Variants in SLC24A2 observed in about 807,000 individuals in gnomAD.
SLC24A2 encodes the protein solute carrier family 24 member 2.
SLC24A2 carries 36 observed loss-of-function variants against 62.0 expected under a neutral mutation model. The ratio of observed to expected loss-of-function variants is 0.58; its 90% CI spans 0.44 to 0.77. SLC24A2 has a LOEUF of 0.77. SLC24A2 is among the 30% of genes least tolerant of loss of function. SLC24A2 has a pLI of 0.00. For synonymous variants in SLC24A2, 358 were observed against 294.0 expected (o/e 1.22, Z -2.23); for missense variants, 846 against 817.9 (o/e 1.03, Z -0.42).
chr9:20,083,540 A>G, the SLC24A2 span, among the ~76,000 whole-genome samples: 2 of 152,244 alleles, frequency 1.3e-5, no homozygotes, highest in Non-Finnish European at 2.9e-5. Context: ...TGCTTCTCAC[A>G]TGCTGTACTA....
chr9:19,689,267 A>G (rs1180929186), intron 2 of SLC24A2, among the ~76,000 whole-genome samples: 1 of 152,174 alleles, frequency 6.6e-6, no homozygotes, highest in Non-Finnish European at 1.5e-5. Flanking sequence ...GGACTCCCGA[A>G]GAAGGAAAAA....
chr9:20,096,681 A>G, the SLC24A2 span, among the ~76,000 whole-genome samples: 5 of 152,230 alleles, frequency 3.3e-5, no homozygotes, highest in East Asian at 7.7e-4. Flanking sequence ...ATTATTTTAG[A>G]AAGATACTTT....
At chr9:19,837,464 A>AAG in the SLC24A2 span, among the ~76,000 whole-genome samples, 1 of 106,250 alleles carries the variant, frequency 9.4e-6, no homozygotes, top group East Asian at 2.2e-4. Flanking sequence ...GTCTCAAAAA[A>AAG]AAAAAAAAAA....
chr9:19,916,131 C>G, the SLC24A2 span, among the ~76,000 whole-genome samples: 3 of 152,028 alleles, frequency 2.0e-5, no homozygotes, highest in African/African-American at 7.2e-5. Flanking sequence ...TGTGAATATT[C>G]AGGTAACCTG....
chr9:19,545,799 T>A (rs1228571822), intron 8 of SLC24A2, among the ~76,000 whole-genome samples: 5 of 151,970 alleles, frequency 3.3e-5, no homozygotes, highest in Non-Finnish European at 7.4e-5. Context: ...CCACCACGCC[T>A]GCCTAATTTT....
chr9:19,914,834 C>G, the SLC24A2 span, among the ~76,000 whole-genome samples: 1 of 151,988 alleles, frequency 6.6e-6, no homozygotes, highest in African/African-American at 2.4e-5. Context: ...GGATGGGATC[C>G]AGATTTTGTA....
chr9:19,901,114 T>A, the SLC24A2 span, among the ~76,000 whole-genome samples: 1 of 152,188 alleles, frequency 6.6e-6, no homozygotes, highest in Non-Finnish European at 1.5e-5. Flanking sequence ...ACATTATTGA[T>A]CACCTGTCAT....
the SLC24A2 span, among the ~76,000 whole-genome samples, chr9:20,271,039 C>T: frequency 4.1e-4 from 62 of 152,226 alleles, no homozygotes; most frequent in African/African-American, 1.5e-3. Flanking sequence ...TTAATCCTCC[C>T]TGAAATACAC....
the SLC24A2 span, among the ~76,000 whole-genome samples, chr9:20,146,272 A>C: frequency 6.6e-5 from 10 of 152,234 alleles, no homozygotes; most frequent in East Asian, 1.9e-3. Flanking sequence ...TCTGGAAGGC[A>C]AATGTTGGTA....
At chr9:19,749,483 A>G (rs1390845567) in intron 2 of SLC24A2, among the ~76,000 whole-genome samples, 1 of 152,154 alleles carries the variant, frequency 6.6e-6, no homozygotes, top group African/African-American at 2.4e-5. Context: ...CACATCATCC[A>G]AGAAATGAGT....
the SLC24A2 span, among the ~76,000 whole-genome samples, chr9:20,040,918 G>A: frequency 6.6e-6 from 1 of 152,114 alleles, no homozygotes; most frequent in Admixed American, 6.5e-5. Context: ...ATTTTCTATG[G>A]GTCACACAAC....
chr9:19,589,907 T>G lies in SLC24A2; in HGVS notation c.1129+7322A>C, dbSNP rs1041036710. Among the ~76,000 whole-genome samples, 32 of 152,250 alleles carry G rather than the reference T, an allele frequency of 2.1e-4. 1 individual carries two copies. Among genetic ancestry groups the G allele is most frequent in the African/African-American group, 7.2e-4 (30 of 41,556 alleles). On this transcript the variant is annotated intron_variant, in intron 5 of 10. Coordinates refer to ENST00000341998, the MANE Select transcript of SLC24A2 (RefSeq NM_020344.4). ...ATCCATTATCTGAACACTCTTTGGG[T>G]GGAGGCTTCCCTGGCTTCTCTAGAC...
chr9:20,013,922 A>C, the SLC24A2 span, among the ~76,000 whole-genome samples: 1 of 152,232 alleles, frequency 6.6e-6, no homozygotes, highest in East Asian at 1.9e-4. Context: ...AAAAAGATAA[A>C]AGATGGCTGG....
At chr9:19,557,596 G>A (rs771878482) in intron 7 of SLC24A2, among the ~76,000 whole-genome samples, 13 of 152,132 alleles carry the variant, frequency 8.5e-5, no homozygotes, top group Non-Finnish European at 1.8e-4. Flanking sequence ...ATGCTGGCAG[G>A]GCCAGCTAGT....
the SLC24A2 span, among the ~76,000 whole-genome samples, chr9:20,147,565 C>T: frequency 1.4e-3 from 220 of 152,146 alleles, no homozygotes; most frequent in African/African-American, 4.9e-3. Context: ...GTAGATATGC[C>T]GTAAATTCTT....
the SLC24A2 span, among the ~76,000 whole-genome samples, chr9:20,002,659 A>G: frequency 6.6e-6 from 1 of 152,196 alleles, no homozygotes; most frequent in Admixed American, 6.5e-5. Context: ...GGGACAGGTA[A>G]ATGATGGAAA....
At chr9:20,196,507 G>T in the SLC24A2 span, among the ~76,000 whole-genome samples, 47,432 of 151,958 alleles carry the variant, frequency 0.31, 8,201 homozygotes, top group East Asian at 0.63. Flanking sequence ...CTTTAAAATC[G>T]GGATTTAGGA....
At chr9:19,616,112 G>C (rs192116558) in intron 4 of SLC24A2, among the ~76,000 whole-genome samples, 39 of 151,862 alleles carry the variant, frequency 2.6e-4, no homozygotes, top group Admixed American at 7.2e-4. Flanking sequence ...TGGAGAATTG[G>C]GGAACTGGAG....
At chr9:20,234,186 A>C in the SLC24A2 span, among the ~76,000 whole-genome samples, 1 of 152,060 alleles carries the variant, frequency 6.6e-6, no homozygotes, top group Non-Finnish European at 1.5e-5. Context: ...AACTTTGGTG[A>C]ATCTGACAAT....
Sources: gnomAD v4.1 joint callset for allele counts (sites outside exome capture counted in the v4.1 genomes callset) on GRCh38, gnomAD v4.1.1 for gene constraint, MANE v1.5 for transcripts, NCBI Gene and HGNC (gene_info 2026-07-23, HGNC 2026-07-21) for gene names.